The following FAM161A variants were observed in gnomAD, a reference collection of about 807,000 sequenced individuals.
FAM161A encodes FAM161 centrosomal protein A.
Under a neutral mutation model 70.9 loss-of-function variants are expected in FAM161A, and 57 were observed. The observed-to-expected ratio is 0.80, with a 90% CI of 0.65 to 1.00. FAM161A has a LOEUF of 1.00. Among genes scored for constraint, FAM161A ranks in the 50% least tolerant of loss-of-function variants. The probability of loss-of-function intolerance (pLI) is 0.00; values close to 1 mark genes in which losing one functional copy is unlikely to be tolerated. For missense variants in FAM161A, 880 were observed against 836.0 expected (o/e 1.05, Z -0.65); for synonymous variants, 299 against 295.7 (o/e 1.01, Z -0.12).
chr2:61,840,253 T>G lies in FAM161A; in HGVS notation c.751A>C (p.Lys251Gln). Residue 251 changes from lysine to glutamine, a missense_variant, in exon 3 of 7, where the codon AAA becomes CAA. Lys to Gln is a moderately conservative substitution (Grantham distance 53). Coordinates refer to ENST00000404929, the MANE Select transcript of FAM161A (RefSeq NM_001201543.2). ...PFQMMIREQK[K>Q]KEESMKSKSD... Reference sequence around the variant, plus strand: ...TTAGATTTCATGGACTCTTCTTTTTTCTTCTGTTCTCTTATCATCATTTGA... The same window carrying G: ...TTAGATTTCATGGACTCTTCTTTTTGCTTCTGTTCTCTTATCATCATTTGA... The G allele has an allele frequency of 6.2e-7, 1 of 1,614,056 alleles. No homozygotes were observed. Among genetic ancestry groups the G allele is most frequent in the South Asian group, 1.1e-5 (1 of 91,058 alleles).
At chr2:61,808,360 C>T in the FAM161A span, among the ~76,000 whole-genome samples, 95 of 151,906 alleles carry the variant, frequency 6.3e-4, no homozygotes, top group South Asian at 1.9e-3. Context: ...GCAACCTCTG[C>T]CTCCTGGGTT....
intron 2 of FAM161A, among the ~76,000 whole-genome samples, chr2:61,841,351 C>G (rs1395532334): frequency 7.9e-5 from 12 of 152,206 alleles, no homozygotes; most frequent in Admixed American, 7.9e-4. Context: ...GTTCCTCACA[C>G]ACGATATGAT....
chr2:61,838,173 A>C (rs1672842601), intron 4 of FAM161A, among the ~76,000 whole-genome samples: 1 of 152,254 alleles, frequency 6.6e-6, no homozygotes, highest in Admixed American at 6.5e-5. Flanking sequence ...AATTTGTGCT[A>C]TCAGATTTCA....
Position 61,854,010 on chromosome 2 carries a change from A to C in FAM161A, c.32T>G (p.Val11Gly). MATSHRVAKLVASSLQTPVNP... is the reference protein window; with the variant it reads MATSHRVAKLGASSLQTPVNP... ...TACCGGGGTCTGGAGACTGGAGGCC[A>C]CCAGCTTCGCCACTCGGTGGGAGGT... Residue 11 changes from valine to glycine, a missense_variant, in exon 1 of 7, where the codon GTG becomes GGG. Coordinates refer to ENST00000404929, the MANE Select transcript of FAM161A (RefSeq NM_001201543.2). The C allele has an allele frequency of 6.2e-7, 1 of 1,612,248 alleles. No individual in the cohort carries two copies. Among genetic ancestry groups the C allele is most frequent in the African/African-American group, 1.3e-5 (1 of 74,992 alleles).
the FAM161A span, among the ~76,000 whole-genome samples, chr2:61,817,567 C>T: frequency 6.6e-6 from 1 of 152,198 alleles, no homozygotes; most frequent in Admixed American, 6.5e-5. Flanking sequence ...GGTGGAGTCT[C>T]TTTTTCGCAT....
chr2:61,851,278 T>C (rs1673488946), intron 1 of FAM161A, among the ~76,000 whole-genome samples: 1 of 152,242 alleles, frequency 6.6e-6, no homozygotes, highest in Non-Finnish European at 1.5e-5. Flanking sequence ...TAATAAATGT[T>C]CAATATTTGT....
intron 4 of FAM161A, chr2:61,836,771 A>G (rs1357608137): frequency 1.2e-5 from 2 of 167,242 alleles, no homozygotes; most frequent in Admixed American, 1.2e-4. Context: ...TGAGGGTTTC[A>G]CCATGTTGGC....
intron 5 of FAM161A, among the ~76,000 whole-genome samples, chr2:61,830,865 C>T (rs1364645302): frequency 6.6e-6 from 1 of 151,670 alleles, no homozygotes; most frequent in Non-Finnish European, 1.5e-5. Context: ...AATCCCGGAA[C>T]TTTGAGAGGC....
chr2:61,839,324 T>C, intron 3 of FAM161A, 97 bp downstream of exon 3: 2 of 1,034,868 alleles, frequency 1.9e-6, no homozygotes, highest in East Asian at 5.0e-5. Flanking sequence ...AATAATAATT[T>C]CTAAGTATTT....
At chr2:61,820,853 C>T (rs1203755948), downstream of FAM161A, among the ~76,000 whole-genome samples, 3 of 152,202 alleles carry the variant, frequency 2.0e-5, no homozygotes, top group East Asian at 5.8e-4. Context: ...CTACAAAATA[C>T]CTTCCTACAA....
intron 5 of FAM161A, among the ~76,000 whole-genome samples, chr2:61,829,530 A>C (rs1291734198): frequency 6.6e-6 from 1 of 152,228 alleles, no homozygotes; most frequent in African/African-American, 2.4e-5. Context: ...GTGAATATCA[A>C]AAGACAAGTC....
the FAM161A span, among the ~76,000 whole-genome samples, chr2:61,806,212 G>A: frequency 2.6e-5 from 4 of 152,028 alleles, no homozygotes; most frequent in South Asian, 2.1e-4. Flanking sequence ...AGCAAGATCC[G>A]TGATCCGTCT....
chr2:61,821,412 T>C (rs1672199296), downstream of FAM161A, among the ~76,000 whole-genome samples: 1 of 152,204 alleles, frequency 6.6e-6, no homozygotes, highest in African/African-American at 2.4e-5. Flanking sequence ...TATCTCCTTC[T>C]CTTATTGACA....
At chr2:61,805,768 C>G in the FAM161A span, among the ~76,000 whole-genome samples, 1 of 152,124 alleles carries the variant, frequency 6.6e-6, no homozygotes, top group African/African-American at 2.4e-5. Context: ...GTGCCCAAAA[C>G]AGACTTACCC....
At chr2:61,845,129 G>T (rs1673159291) in intron 1 of FAM161A, among the ~76,000 whole-genome samples, 1 of 152,164 alleles carries the variant, frequency 6.6e-6, no homozygotes, top group Non-Finnish European at 1.5e-5. Flanking sequence ...TATGGACGAG[G>T]CTGCCTGGAG....
At chr2:61,836,277 G>A (rs1672771771) in intron 4 of FAM161A, 168 bp from the exon 5 acceptor site, 4 of 612,252 alleles carry the variant, frequency 6.5e-6, no homozygotes, top group Admixed American at 3.0e-5. Context: ...AGTTTACCTC[G>A]ATTCCTCTTC....
intron 1 of FAM161A, among the ~76,000 whole-genome samples, chr2:61,845,824 C>G (rs754777405): frequency 1.3e-5 from 2 of 152,026 alleles, no homozygotes; most frequent in Non-Finnish European, 2.9e-5. Flanking sequence ...CGCGGTAGCT[C>G]ACGCCTGTAA....
the FAM161A span, among the ~76,000 whole-genome samples, chr2:61,802,888 G>A: frequency 6.6e-6 from 1 of 152,174 alleles, no homozygotes; most frequent in Non-Finnish European, 1.5e-5. Context: ...AGTTATTGCA[G>A]GGGAAATTCC....
Position 61,840,406 on chromosome 2 carries a change from T to C in FAM161A, c.598A>G (p.Asn200Asp), listed in dbSNP as rs372038495. 2.0e-5 allele frequency: 32 copies of C among 1,614,180 alleles called. No homozygotes were observed. The African/African-American group carries it at 4.1e-4, about 21-fold the overall frequency. ...ACACAAAAGTCTGTCCACATATTGTTGATGAGCTCCTTAGCATAGGTCATC... is the reference window on the plus strand; with the variant it reads ...ACACAAAAGTCTGTCCACATATTGTCGATGAGCTCCTTAGCATAGGTCATC... ...RMMTYAKELI[N>D]NMWTDFCVED... Residue 200 changes from asparagine to aspartate, a missense_variant, in exon 3 of 7, where the codon AAC becomes GAC. Transcript: ENST00000404929.
Sources: gnomAD v4.1 joint callset for allele counts (sites outside exome capture counted in the v4.1 genomes callset) on GRCh38, gnomAD v4.1.1 for gene constraint, MANE v1.5 for transcripts, NCBI Gene and HGNC (gene_info 2026-07-23, HGNC 2026-07-21) for gene names.